OTUD7A: variants seen among roughly 807,000 people sequenced by gnomAD.
OTUD7A encodes the protein OTU domain-containing protein 7A.
Under a neutral mutation model 65.7 loss-of-function variants are expected in OTUD7A, and 12 were observed. The ratio of observed to expected loss-of-function variants is 0.18; its 90% CI spans 0.12 to 0.30. OTUD7A has a LOEUF of 0.30. Ranked by LOEUF, OTUD7A falls within the 10% of genes least tolerant of loss-of-function variation. The pLI, the probability that OTUD7A is intolerant of heterozygous loss-of-function variation, is 1.00. For synonymous variants in OTUD7A, 641 were observed against 586.3 expected, an observed-to-expected ratio of 1.09 and a Z score of -1.35; for missense variants, 1,148 against 1,304.8, an observed-to-expected ratio of 0.88 and a Z score of 1.85.
intron 1 of OTUD7A, among the ~76,000 whole-genome samples, chr15:31,833,390 G>T (rs147375544): frequency 6.6e-6 from 1 of 152,216 alleles, no homozygotes. Context: ...AAACTAAACA[G>T]ATTTCTTTAT....
At chr15:31,713,511 C>A (rs546947584) in intron 1 of OTUD7A, among the ~76,000 whole-genome samples, 3 of 151,846 alleles carry the variant, frequency 2.0e-5, no homozygotes, top group Non-Finnish European at 2.9e-5. Flanking sequence ...CCCAGCTACT[C>A]GGGAGGCTGA....
At chr15:31,618,431 C>G (rs867848678) in intron 3 of OTUD7A, among the ~76,000 whole-genome samples, 5 of 152,342 alleles carry the variant, frequency 3.3e-5, no homozygotes, top group Non-Finnish European at 4.4e-5. Flanking sequence ...CACATCCTCT[C>G]CAGCATCTGT....
intron 1 of OTUD7A, among the ~76,000 whole-genome samples, chr15:31,827,569 T>C (rs1408243105): frequency 1.3e-5 from 2 of 152,210 alleles, no homozygotes; most frequent in Non-Finnish European, 2.9e-5. Context: ...GTCTGGCCTG[T>C]ATATTTACAC....
intron 1 of OTUD7A, among the ~76,000 whole-genome samples, chr15:31,853,763 T>C (rs1897490433): frequency 6.6e-6 from 1 of 152,222 alleles, no homozygotes; most frequent in Non-Finnish European, 1.5e-5. Flanking sequence ...GTGGAATAAA[T>C]GTATTTCAGA....
intron 1 of OTUD7A, among the ~76,000 whole-genome samples, chr15:31,793,991 A>G (rs1895885828): frequency 6.6e-6 from 1 of 152,222 alleles, no homozygotes. Flanking sequence ...TTTTTGCCTT[A>G]TAATTTGTGC....
chr15:31,635,065 G>A (rs1469017533), intron 3 of OTUD7A, among the ~76,000 whole-genome samples: 1 of 152,196 alleles, frequency 6.6e-6, no homozygotes, highest in African/African-American at 2.4e-5. Context: ...TAGGTCCTTA[G>A]TGGTTCTTGG....
chr15:31,826,220 C>T (rs993080554), intron 1 of OTUD7A, among the ~76,000 whole-genome samples: 4 of 152,254 alleles, frequency 2.6e-5, no homozygotes, highest in African/African-American at 7.2e-5. Flanking sequence ...AGCCCTGCCC[C>T]TGCAGCAAAC....
intron 1 of OTUD7A, among the ~76,000 whole-genome samples, chr15:31,840,146 A>G (rs1043632681): frequency 2.6e-5 from 4 of 152,186 alleles, no homozygotes; most frequent in Admixed American, 6.5e-5. Context: ...TAGGCCAGGC[A>G]TGGTGGCTCA....
At chr15:31,598,195 A>C (rs1454278923) in intron 3 of OTUD7A, among the ~76,000 whole-genome samples, 1 of 152,214 alleles carries the variant, frequency 6.6e-6, no homozygotes, top group Non-Finnish European at 1.5e-5. Context: ...GTTGAAAACT[A>C]TATTCAGATT....
At chr15:31,716,765 T>C (rs1164828169) in intron 1 of OTUD7A, among the ~76,000 whole-genome samples, 4 of 150,844 alleles carry the variant, frequency 2.7e-5, no homozygotes, top group East Asian at 1.9e-4. Flanking sequence ...GACTACACTA[T>C]GCAGAATCTG....
chr15:31,599,946 A>C (rs777564504), intron 3 of OTUD7A, among the ~76,000 whole-genome samples: 1 of 152,200 alleles, frequency 6.6e-6, no homozygotes, highest in African/African-American at 2.4e-5. Flanking sequence ...TAGAGAAAAA[A>C]GAATGAAAAG....
At chr15:31,507,634 TGGG>T (rs60691059) in intron 8 of OTUD7A, among the ~76,000 whole-genome samples, 2 of 69,418 alleles carry the variant, frequency 2.9e-5, no homozygotes, top group African/African-American at 6.8e-5. Context: ...CGCTGCTGGC[TGGG>T]GGGCGGGGGT....
At chr15:31,781,994 G>C (rs1248774748) in intron 1 of OTUD7A, among the ~76,000 whole-genome samples, 6 of 152,196 alleles carry the variant, frequency 3.9e-5, no homozygotes, top group Non-Finnish European at 7.3e-5. Context: ...TATAAAGCTT[G>C]TTGCTCACTT....
chr15:31,530,192 G>A (rs1399789784), intron 6 of OTUD7A, among the ~76,000 whole-genome samples: 5 of 152,150 alleles, frequency 3.3e-5, no homozygotes, highest in Admixed American at 2.0e-4. Context: ...CATGCCAACT[G>A]TTGACTGCTG....
chr15:31,659,929 G>A (rs1362805903), intron 1 of OTUD7A, among the ~76,000 whole-genome samples: 2 of 152,272 alleles, frequency 1.3e-5, no homozygotes, highest in Middle Eastern at 3.2e-3. Context: ...TGCAACCCTG[G>A]AAAGGCTACT....
At chr15:31,597,701 A>G (rs1460666093) in intron 3 of OTUD7A, among the ~76,000 whole-genome samples, 1 of 152,048 alleles carries the variant, frequency 6.6e-6, no homozygotes, top group African/African-American at 2.4e-5. Context: ...AGGTCCTCAG[A>G]GATTCAGTAC....
intron 4 of OTUD7A, among the ~76,000 whole-genome samples, chr15:31,569,770 A>G (rs1231178911): frequency 6.6e-6 from 1 of 152,164 alleles, no homozygotes. Flanking sequence ...GCTTTTACTC[A>G]CTTATTGGGC....
At chr15:31,550,470 A>G (rs1257321948) in intron 5 of OTUD7A, among the ~76,000 whole-genome samples, 2 of 152,286 alleles carry the variant, frequency 1.3e-5, no homozygotes, top group South Asian at 4.1e-4. Context: ...ATCACTCCTG[A>G]GTCTCTTGGG....
At chr15:31,768,213 C>T (rs377677465) in intron 1 of OTUD7A, 24 of 1,034,160 alleles carry the variant, frequency 2.3e-5, no homozygotes, top group East Asian at 1.2e-4. Flanking sequence ...GGTCTGTCAG[C>T]GTCCGGTGGC....
Sources: allele counts gnomAD v4.1 joint callset (sites outside exome capture counted in the v4.1 genomes callset), GRCh38; gene constraint gnomAD v4.1.1; transcripts MANE v1.5; gene names NCBI Gene and HGNC (gene_info 2026-07-23, HGNC 2026-07-21).